The following DCHS1 variants were observed in gnomAD, a reference collection of about 807,000 sequenced individuals.
DCHS1 encodes the protein protocadherin-16.
Under a neutral mutation model 213.9 loss-of-function variants are expected in DCHS1, and 78 were observed. The ratio of observed to expected loss-of-function variants is 0.36; its 90% CI spans 0.30 to 0.44. DCHS1 has a LOEUF of 0.44. Ranked by LOEUF, DCHS1 falls within the 20% of genes least tolerant of loss-of-function variation. The pLI is 1.00. For missense variants in DCHS1, 3,946 were observed against 4,395.9 expected, an observed-to-expected ratio of 0.90 and a Z score of 2.89; for synonymous variants, 1,828 against 1,873.7, an observed-to-expected ratio of 0.98 and a Z score of 0.63.
rs751809147 is a variant in DCHS1, at chr11:6,622,232, T to C, written c.9444A>G (p.Thr3148=). The change falls in exon 21 of 21, where the codon ACA becomes ACG. Residue 3148 remains threonine, a synonymous_variant. Coordinates refer to ENST00000299441, the MANE Select transcript of DCHS1 (RefSeq NM_003737.4). This position sits in a 1 kb window ranked among gnomAD's most constrained non-coding sequence, Gnocchi z 5.4. The stretch of plus-strand genomic sequence containing the variant: ...GCTCCTCCTCGCCGGCCACAATGGC[T>C]GTCAGCGCACCTGCCACACATGGCT... ...DGKPCVAGAL[T]AIVAGEEELR... 4 of 1,601,558 alleles carry C rather than the reference T, an allele frequency of 2.5e-6. No homozygotes were observed. The highest frequency in any genetic ancestry group is 3.4e-6 in the Non-Finnish European group (4 of 1,176,110).
chr11:6,629,694 C>T lies in DCHS1; in HGVS notation c.5013G>A (p.Leu1671=). The T allele has an allele frequency of 6.2e-7, 1 of 1,613,716 alleles. No individual in the cohort carries two copies. The highest frequency in any genetic ancestry group is 8.5e-7 in the Non-Finnish European group (1 of 1,179,800). The stretch of plus-strand genomic sequence containing the variant: ...TACCCACGTCGGGGTCGGTTGCTCG[C>T]AGGGTGAGCAGAGATGTGCCAGGAG... ...NNPPGTSLLT[L]RATDPDVGAN... is the part of the protein sequence containing the mutation. Residue 1671 remains leucine (L), a synonymous_variant, in exon 11 of 21, where the codon CTG becomes CTA. Coordinates refer to ENST00000299441, the MANE Select transcript of DCHS1 (RefSeq NM_003737.4).
chr11:6,645,097 A>G (rs1466708393), intron 1 of DCHS1, among the ~76,000 whole-genome samples: 4 of 152,336 alleles, frequency 2.6e-5, no homozygotes, highest in Non-Finnish European at 4.4e-5. Context: ...AATTAGAAAC[A>G]ATGTAAGAAA....
At chr11:6,653,678 T>C (rs1856276155) in intron 1 of DCHS1, among the ~76,000 whole-genome samples, 1 of 152,140 alleles carries the variant, frequency 6.6e-6, no homozygotes, top group African/African-American at 2.4e-5. Context: ...CCTGGTGTGG[T>C]TGAGAAATCA....
At position 6,621,806 on chromosome 11, in the gene DCHS1, T is replaced by C. The variant is rs751883574; in HGVS notation, c.9870A>G (p.Pro3290=). Residue 3290 remains proline, a synonymous_variant, in exon 21 of 21, where the codon CCA becomes CCG. Transcript: ENST00000299441. ...SALSAESGLE[P]PDDTELHI Reference sequence around the variant, plus strand: ...AGATGTGCAGCTCCGTGTCATCAGGTGGCTCCAGGCCAGACTCTGCGCTGA... The same window carrying C: ...AGATGTGCAGCTCCGTGTCATCAGGCGGCTCCAGGCCAGACTCTGCGCTGA... 3.1e-6 allele frequency: 5 copies of C among 1,598,054 alleles called. No individual in the cohort carries two copies. The Admixed American group carries it at 8.6e-5, about 28-fold the overall frequency.
At position 6,641,706 on chromosome 11, in the gene DCHS1, GC is replaced by G; in HGVS notation, c.-94del. On this transcript the variant is annotated 5_prime_UTR_variant, in exon 2 of 21. Transcript: ENST00000299441. This position sits in a 1 kb window ranked among gnomAD's most constrained non-coding sequence, Gnocchi z 7.1. ...AGACTTTGGGTCAGGTCCCACTGGG[GC>G]CCTGGCTCCAGCTCAGGCTCCCTGA... 1 of 1,449,846 alleles carries G rather than the reference GC, an allele frequency of 6.9e-7. No individual in the cohort carries two copies. Among genetic ancestry groups the G allele is most frequent in the Non-Finnish European group, 9.1e-7 (1 of 1,101,410 alleles). The allele number at this position is 1,449,846 out of a possible 1,614,324, so 89.8% of individuals were successfully genotyped here. A position where few individuals can be genotyped will look rare whatever the true frequency, so the allele number is the denominator to read the frequency against.
intron 2 of DCHS1, among the ~76,000 whole-genome samples, chr11:6,635,883 G>A (rs1408925599): frequency 6.6e-6 from 1 of 152,210 alleles, no homozygotes; most frequent in East Asian, 1.9e-4. Flanking sequence ...AGGCAGAAGT[G>A]AATTTCCTGG....
rs1246223285 is a variant in DCHS1 at position 6,622,749 on chromosome 11, G to A, written c.8927C>T (p.Ser2976Leu). 1 of 1,591,158 alleles carries A rather than the reference G, an allele frequency of 6.3e-7. No homozygotes were observed. The highest frequency in any genetic ancestry group is 8.6e-7 in the Non-Finnish European group (1 of 1,169,134). ...GTCACTGGCTAGGGGTGCTGCCTGT[G>A]ACATTGGGCCAGGGGCTGCCTCAGC... The part of the protein sequence containing the change: ...RKAEAAPGPM[S>L]QAAPLASDSL... The change falls in exon 21 of 21, where the codon TCA (serine) becomes TTA (leucine). Residue 2976 changes from serine (S) to leucine (L), a missense_variant. Ser to Leu is a moderately radical substitution (Grantham distance 145). Coordinates refer to ENST00000299441, the MANE Select transcript of DCHS1 (RefSeq NM_003737.4). This position sits in a 1 kb window ranked among gnomAD's most constrained non-coding sequence, Gnocchi z 5.4.
Position 6,627,259 on chromosome 11 carries a change from A to G in DCHS1, c.5780T>C (p.Phe1927Ser). 6.2e-7 allele frequency: 1 copy of G among 1,613,436 alleles called. No individual in the cohort carries two copies. Among genetic ancestry groups the G allele is most frequent in the Non-Finnish European group, 8.5e-7 (1 of 1,179,854 alleles). Residue 1927 changes from phenylalanine (F) to serine (S), a missense_variant, in exon 14 of 21, where the codon TTT (phenylalanine) becomes TCT (serine). Around this residue, in one of 3 missense-constraint regions of DCHS1, gnomAD observed 3,384 missense variants for 3,780.1 expected, o/e 0.90. Coordinates refer to ENST00000299441, the MANE Select transcript of DCHS1 (RefSeq NM_003737.4). This position sits in a 1 kb window ranked among gnomAD's most constrained non-coding sequence, Gnocchi z 5.4. ...TGCACCATCCACTGCACTCACAGAA[A>G]AGGTGTAGCTGGGACACTGTTCTCT... The part of the protein sequence containing the change: ...LDREQCPSYT[F>S]SVSAVDGAAA...
At position 6,621,658 on chromosome 11, in the gene DCHS1, G is replaced by A. The variant is rs1233538750; in HGVS notation, c.*121C>T. 2 of 1,154,870 alleles carry A rather than the reference G, an allele frequency of 1.7e-6. No homozygotes were observed. The highest frequency in any genetic ancestry group is 2.5e-6 in the Non-Finnish European group (2 of 799,406). 71.5% of individuals were successfully genotyped at this position (1,154,870 alleles called of 1,614,324 possible). A position where few individuals can be genotyped will look rare whatever the true frequency, so the allele number is the denominator to read the frequency against. On this transcript the variant is annotated 3_prime_UTR_variant, in exon 21 of 21. Transcript: ENST00000299441. ...TGGGGAGTTCAGGGTGGAGAGCTGG[G>A]GCCTGGTGGTGGCCTCCCCGTAGCC...
At chr11:6,631,011 G>A (rs955944187) in intron 9 of DCHS1, 42 bp downstream of exon 9, 1 of 1,564,328 alleles carries the variant, frequency 6.4e-7, no homozygotes, top group South Asian at 1.2e-5. Flanking sequence ...GCTACTGAAG[G>A]GGACCTACAG....
In DCHS1 at chr11:6,627,723, T is replaced by C; in HGVS notation, c.5372-56A>G. ...ACATGTGTCGTGGGGATGGGGGTGA[T>C]TTACAGACAACAGGAGAGAGTGAGC... On this transcript the variant is annotated intron_variant, in intron 13 of 20. Transcript: ENST00000299441. The surrounding 1 kb of genome is among the most constrained non-coding windows in gnomAD (Gnocchi z 5.4). 3 of 1,556,170 alleles carry C rather than the reference T, an allele frequency of 1.9e-6. No individual in the cohort carries two copies. Among genetic ancestry groups the C allele is most frequent in the Non-Finnish European group, 2.6e-6 (3 of 1,145,964 alleles).
At position 6,622,653 on chromosome 11, in the gene DCHS1, G is replaced by T; in HGVS notation, c.9023C>A (p.Pro3008His). The change falls in exon 21 of 21, where the codon CCC becomes CAC. Residue 3008 changes from proline to histidine, a missense_variant. Physicochemically the swap from Pro to His is moderately conservative, Grantham distance 77 (BLOSUM62 -2). Around this residue, in one of 3 missense-constraint regions of DCHS1, gnomAD observed 554 missense variants for 590.2 expected, o/e 0.94. Transcript: ENST00000299441. This position sits in a 1 kb window ranked among gnomAD's most constrained non-coding sequence, Gnocchi z 5.4. The stretch of plus-strand genomic sequence containing the variant: ...TCCAGCTCCTGGCCCACCATAGCTG[G>T]GAAGAGTCTGGTGATAGAGGTGCTC... ...PSEHLYHQTL[P>H]SYGGPGAGGP... 1.3e-6 allele frequency: 2 copies of T among 1,591,674 alleles called. No individual in the cohort carries two copies. The highest frequency in any genetic ancestry group is 1.8e-5 in the Admixed American group (1 of 56,720).
intron 1 of DCHS1, among the ~76,000 whole-genome samples, chr11:6,651,071 C>T (rs1856235873): frequency 6.6e-6 from 1 of 152,178 alleles, no homozygotes; most frequent in African/African-American, 2.4e-5. Context: ...CACAGCCAAG[C>T]ACCTGTGTGG....
In DCHS1 at chr11:6,628,472, T is replaced by A; in HGVS notation, c.5371+149A>T. ...AAGAGCATGGAATGAGATACCTAGC[T>A]ACACTGGGTATAAGCATGAAAGAAA... On this transcript the variant is annotated intron_variant, in intron 13 of 20. Transcript: ENST00000299441. This position sits in a 1 kb window ranked among gnomAD's most constrained non-coding sequence, Gnocchi z 4.3. 1 of 753,194 alleles carries A rather than the reference T, an allele frequency of 1.3e-6. No homozygotes were observed. Among genetic ancestry groups the A allele is most frequent in the Non-Finnish European group, 2.2e-6 (1 of 451,584 alleles). The allele number at this position is 753,194 out of a possible 1,614,324, so 46.7% of individuals were successfully genotyped here.
intron 2 of DCHS1, among the ~76,000 whole-genome samples, chr11:6,635,795 AAG>A (rs1237926003): frequency 6.6e-6 from 1 of 152,238 alleles, no homozygotes; most frequent in African/African-American, 2.4e-5. Flanking sequence ...TGCAGGAAGA[AAG>A]CAATAAACAG....
intron 1 of DCHS1, among the ~76,000 whole-genome samples, chr11:6,645,056 T>C (rs1856136440): frequency 1.3e-5 from 2 of 152,258 alleles, no homozygotes; most frequent in African/African-American, 4.8e-5. Flanking sequence ...AAAATGGCTA[T>C]GCTGACACCT....
Position 6,622,426 on chromosome 11 carries a change from G to C in DCHS1, c.9250C>G (p.Pro3084Ala). The C allele has an allele frequency of 1.3e-6, 2 of 1,555,422 alleles. No individual in the cohort carries two copies. Among genetic ancestry groups the C allele is most frequent in the Non-Finnish European group, 1.7e-6 (2 of 1,148,548 alleles). The change falls in exon 21 of 21, where the codon CCT becomes GCT. Residue 3084 changes from proline to alanine, a missense_variant. Transcript: ENST00000299441. This position sits in a 1 kb window ranked among gnomAD's most constrained non-coding sequence, Gnocchi z 5.4. ...CCCTTATACCAGGTGTCAGGGGCAG[G>C]TGGTTCGCAGGATGTGTCACTCAGA... ...DGLSDTSCEP[P>A]APDTWYKGRK...
In DCHS1 at chr11:6,626,493, C is replaced by G; in HGVS notation, c.6364+59G>C. 6.2e-7 allele frequency: 1 copy of G among 1,605,532 alleles called. No individual in the cohort carries two copies. The highest frequency in any genetic ancestry group is 1.1e-5 in the South Asian group (1 of 90,536). On this transcript the variant is annotated intron_variant, in intron 15 of 20. Transcript: ENST00000299441. This position sits in a 1 kb window ranked among gnomAD's most constrained non-coding sequence, Gnocchi z 5.2. ...TCACCCATCAAAGGCTCCTCTGATGCAAAGAACCTGCTTCCCCAGTAGCCT... is the reference window on the plus strand; with the variant it reads ...TCACCCATCAAAGGCTCCTCTGATGGAAAGAACCTGCTTCCCCAGTAGCCT...
intron 1 of DCHS1, among the ~76,000 whole-genome samples, chr11:6,648,336 C>T (rs1313987915): frequency 6.6e-6 from 1 of 152,166 alleles, no homozygotes; most frequent in Non-Finnish European, 1.5e-5. Flanking sequence ...GGCAGTATCA[C>T]AGAAGTTAAG....
Sources: gnomAD v4.1 joint callset for allele counts (sites outside exome capture counted in the v4.1 genomes callset) on GRCh38, gnomAD v4.1.1 for gene constraint, gnomAD v4.1.1 regional missense constraint, Gnocchi (gnomAD v3.1) non-coding constraint, MANE v1.5 for transcripts, NCBI Gene and HGNC (gene_info 2026-07-23, HGNC 2026-07-21) for gene names.